TIAM1: variants seen among roughly 807,000 people sequenced by gnomAD.
The protein encoded by TIAM1 is TIAM Rac1 associated GEF 1.
TIAM1 carries 65 observed loss-of-function variants against 163.5 expected under a neutral mutation model. That is an observed-to-expected ratio of 0.40 (90% CI 0.33 to 0.49). The LOEUF (loss-of-function observed/expected upper bound fraction) is 0.49, where lower values mean the gene tolerates loss of function less well. Among genes scored for constraint, TIAM1 ranks in the 20% least tolerant of loss-of-function variants. The probability of loss-of-function intolerance (pLI) is 0.77; values close to 1 mark genes in which losing one functional copy is unlikely to be tolerated. For missense variants in TIAM1, 1,789 were observed against 2,044.7 expected, an observed-to-expected ratio of 0.87 and a Z score of 2.41; for synonymous variants, 833 against 810.1, an observed-to-expected ratio of 1.03 and a Z score of -0.48.
chr21:31,383,338 A>C (rs775035702), intron 2 of TIAM1, among the ~76,000 whole-genome samples: 1 of 152,192 alleles, frequency 6.6e-6, no homozygotes, highest in Non-Finnish European at 1.5e-5. Context: ...ACATACAGTG[A>C]TTCTCTGAGT....
At chr21:31,506,413 T>C (rs181276299) in intron 1 of TIAM1, among the ~76,000 whole-genome samples, 2 of 152,276 alleles carry the variant, frequency 1.3e-5, no homozygotes, top group Admixed American at 1.3e-4. Flanking sequence ...TTCACATTAT[T>C]GTGCAACTAT....
intron 1 of TIAM1, among the ~76,000 whole-genome samples, chr21:31,476,529 T>G (rs2045940856): frequency 6.6e-6 from 1 of 152,242 alleles, no homozygotes; most frequent in Non-Finnish European, 1.5e-5. Flanking sequence ...GATTCACTAA[T>G]AGGGGCCAAT....
At chr21:31,201,604 C>T (rs183166295) in intron 12 of TIAM1, among the ~76,000 whole-genome samples, 1 of 152,228 alleles carries the variant, frequency 6.6e-6, no homozygotes, top group Admixed American at 6.5e-5. Flanking sequence ...TAAAGTATAC[C>T]TCAATAAAGT....
At chr21:31,380,243 G>C (rs938695578) in intron 2 of TIAM1, among the ~76,000 whole-genome samples, 4 of 152,164 alleles carry the variant, frequency 2.6e-5, no homozygotes, top group African/African-American at 9.7e-5. Context: ...GAGCGAAATA[G>C]TGAGACTTTG....
In TIAM1 at chr21:31,462,696, T is replaced by C. The variant is rs796233523; in HGVS notation, c.-369+1287A>G. On this transcript the variant is annotated intron_variant, in intron 2 of 28. Coordinates refer to the TIAM1 transcript ENST00000286827. ...AACTGCATATCCACTGGAGATTCTA[T>C]AGTGACCTCTCCGAACTGCCTACCT... Among the ~76,000 whole-genome samples the C allele has an allele frequency of 2.0e-4, 31 of 151,916 alleles. 1 individual carries two copies. Among genetic ancestry groups the C allele is most frequent in the African/African-American group, 5.3e-4 (22 of 41,450 alleles).
At chr21:31,201,528 G>A (rs2086199129) in intron 12 of TIAM1, among the ~76,000 whole-genome samples, 1 of 152,200 alleles carries the variant, frequency 6.6e-6, no homozygotes, top group South Asian at 2.1e-4. Flanking sequence ...GTGGAAACAA[G>A]ACTGTATACA....
intron 2 of TIAM1, among the ~76,000 whole-genome samples, chr21:31,359,651 T>C (rs1474263514): frequency 1.3e-5 from 2 of 151,906 alleles, no homozygotes; most frequent in African/African-American, 4.8e-5. Flanking sequence ...TAGCAGGGCA[T>C]GGTGGCGGGT....
Position 31,119,529 on chromosome 21 carries a change from C to G in TIAM1, c.*839G>C, listed in dbSNP as rs2081924797. 2 of 152,484 alleles carry G rather than the reference C, an allele frequency of 1.3e-5. No individual in the cohort carries two copies. Among genetic ancestry groups the G allele is most frequent in the African/African-American group, 4.8e-5 (2 of 41,398 alleles). The allele number at this position is 152,484 out of a possible 1,614,324, so 9.4% of individuals were successfully genotyped here. A position where few individuals can be genotyped will look rare whatever the true frequency, so the allele number is the denominator to read the frequency against. ...ATATCCTTCGCATGAGCTTGCTGGC[C>G]TTTCATATATAAATATAAAACCACC... is the stretch of plus-strand genomic sequence containing the variant. On this transcript the variant is annotated 3_prime_UTR_variant, in exon 28 of 28. Transcript: ENST00000541036.
chr21:31,373,649 G>C (rs996833430), intron 2 of TIAM1, among the ~76,000 whole-genome samples: 7 of 152,160 alleles, frequency 4.6e-5, no homozygotes, highest in African/African-American at 1.7e-4. Flanking sequence ...AACAGAAAGA[G>C]AGGCAGGAGG....
chr21:31,410,080 C>T (rs1017861983), intron 2 of TIAM1, among the ~76,000 whole-genome samples: 18 of 145,014 alleles, frequency 1.2e-4, no homozygotes, highest in African/African-American at 4.7e-4. Flanking sequence ...GCACTGAGGG[C>T]GTAGCAGTGT....
chr21:31,486,541 C>T (rs1213653043), intron 1 of TIAM1, among the ~76,000 whole-genome samples: 1 of 152,226 alleles, frequency 6.6e-6, no homozygotes, highest in African/African-American at 2.4e-5. Context: ...TATTATGTGC[C>T]CTGAGGTGCT....
chr21:31,554,965 T>TC (rs776405271), intron 1 of TIAM1, among the ~76,000 whole-genome samples: 46 of 152,202 alleles, frequency 3.0e-4, no homozygotes, highest in Admixed American at 2.0e-3. Flanking sequence ...GGGAAGGTCT[T>TC]ATGCTGGAGG....
chr21:31,438,485 C>G (rs2044299653), intron 2 of TIAM1, among the ~76,000 whole-genome samples: 1 of 152,120 alleles, frequency 6.6e-6, no homozygotes, highest in Admixed American at 6.6e-5. Flanking sequence ...AGCCACTGCA[C>G]CCAGCATATT....
intron 16 of TIAM1, among the ~76,000 whole-genome samples, chr21:31,162,344 C>T (rs1012213895): frequency 6.6e-6 from 1 of 152,038 alleles, no homozygotes; most frequent in Non-Finnish European, 1.5e-5. Context: ...ATTAATAACA[C>T]ACAGTAGAAC....
intron 16 of TIAM1, among the ~76,000 whole-genome samples, chr21:31,159,486 T>C (rs1467922625): frequency 6.6e-6 from 1 of 152,220 alleles, no homozygotes; most frequent in East Asian, 1.9e-4. Context: ...TCTGACCGAT[T>C]TAACACATCC....
chr21:31,455,555 G>T (rs2045065053), intron 2 of TIAM1, among the ~76,000 whole-genome samples: 1 of 151,966 alleles, frequency 6.6e-6, no homozygotes, highest in African/African-American at 2.4e-5. Flanking sequence ...TGGGATTACA[G>T]GCACCTGCCA....
At chr21:31,474,077 A>G (rs1005641803) in intron 1 of TIAM1, among the ~76,000 whole-genome samples, 1 of 152,164 alleles carries the variant, frequency 6.6e-6, no homozygotes, top group East Asian at 1.9e-4. Flanking sequence ...GAGAGAAGGA[A>G]GTGCCAAGCT....
At chr21:31,228,226 A>T (rs1266498215) in intron 6 of TIAM1, among the ~76,000 whole-genome samples, 4 of 26,134 alleles carry the variant, frequency 1.5e-4, no homozygotes, top group African/African-American at 5.5e-4. Context: ...TTTTTAAAAA[A>T]AAAAAAAAAA....
chr21:31,191,429 CAGGTG>C (rs2085558654), intron 13 of TIAM1, among the ~76,000 whole-genome samples: 1 of 152,164 alleles, frequency 6.6e-6, no homozygotes, highest in South Asian at 2.1e-4. Flanking sequence ...GCTGGGATTA[CAGGTG>C]TGACCCTCTG....
Sources: allele counts gnomAD v4.1 joint callset (sites outside exome capture counted in the v4.1 genomes callset), GRCh38; gene constraint gnomAD v4.1.1; transcripts MANE v1.5; gene names NCBI Gene and HGNC (gene_info 2026-07-23, HGNC 2026-07-21).